Variants in WWOX observed in about 807,000 individuals in gnomAD.
The protein encoded by WWOX is WW domain containing oxidoreductase, also known as WW domain-containing oxidoreductase.
WWOX carries 69 observed loss-of-function variants against 46.2 expected under a neutral mutation model. That is an observed-to-expected ratio of 1.49 (90% CI 1.23 to 1.82). The LOEUF (loss-of-function observed/expected upper bound fraction) is 1.82. Ranked by LOEUF, WWOX falls within the 40% of genes most tolerant of loss-of-function variation. WWOX has a pLI of 0.00. For synonymous variants in WWOX, 359 were observed against 202.6 expected (o/e 1.77, Z -6.56); for missense variants, 919 against 542.6 (o/e 1.69, Z -6.89).
intron 8 of WWOX, among the ~76,000 whole-genome samples, chr16:78,591,879 C>T (rs1000245349): frequency 6.6e-6 from 1 of 152,194 alleles, no homozygotes; most frequent in African/African-American, 2.4e-5. Context: ...GCTACCACCA[C>T]TGCCTCTAGT....
chr16:78,120,794 G>C (rs910275240), intron 4 of WWOX, among the ~76,000 whole-genome samples: 2 of 152,138 alleles, frequency 1.3e-5, no homozygotes, highest in Non-Finnish European at 2.9e-5. Context: ...AATTTTACCA[G>C]TTCTACGTGA....
chr16:78,971,592 A>C (rs572023067), intron 8 of WWOX, among the ~76,000 whole-genome samples: 3 of 152,252 alleles, frequency 2.0e-5, no homozygotes, highest in Admixed American at 2.0e-4. Context: ...GCTTCCCAGA[A>C]GAGCATAAGA....
intron 8 of WWOX, among the ~76,000 whole-genome samples, chr16:78,503,459 A>T (rs1368245691): frequency 2.0e-5 from 3 of 151,866 alleles, no homozygotes; most frequent in African/African-American, 4.8e-5. Flanking sequence ...AAAAAAAAAA[A>T]ATTTTTTTTT....
rs60247224 is a variant in WWOX, at chr16:78,341,168, AT to A, written c.517-45679del. ...ATCTGCTTTCCAGCATCCAACTGTAATTTTTTTTTTTTTAAGAGAAATGAAG... is the reference window on the plus strand; with the variant it reads ...ATCTGCTTTCCAGCATCCAACTGTAATTTTTTTTTTTTAAGAGAAATGAAG... On this transcript the variant is annotated intron_variant, in intron 5 of 8. Coordinates refer to ENST00000566780, the MANE Select transcript of WWOX (RefSeq NM_016373.4). Among the ~76,000 whole-genome samples, 48 of 105,720 alleles carry A rather than the reference AT, an allele frequency of 4.5e-4. 7 individuals are homozygous for A. Among genetic ancestry groups the A allele is most frequent in the African/African-American group, 8.9e-4 (28 of 31,504 alleles). 69.4% of individuals were successfully genotyped at this position (105,720 alleles called of 152,430 possible). A position where few individuals can be genotyped will look rare whatever the true frequency, so the allele number is the denominator to read the frequency against.
At chr16:79,188,888 G>C (rs1015107429) in intron 8 of WWOX, among the ~76,000 whole-genome samples, 4 of 152,186 alleles carry the variant, frequency 2.6e-5, no homozygotes, top group African/African-American at 7.2e-5. Flanking sequence ...TCACACTTGT[G>C]TGTGAGCAGC....
chr16:79,034,103 A>G (rs1004885520), intron 8 of WWOX, among the ~76,000 whole-genome samples: 5 of 152,148 alleles, frequency 3.3e-5, no homozygotes, highest in African/African-American at 1.2e-4. Flanking sequence ...CAGGGAACTG[A>G]ATGGGATGCC....
intron 8 of WWOX, among the ~76,000 whole-genome samples, chr16:78,918,514 G>A (rs572811015): frequency 6.6e-6 from 1 of 152,098 alleles, no homozygotes; most frequent in Admixed American, 6.5e-5. Context: ...TGTGTTCAGA[G>A]GTCTCTGCAC....
At chr16:78,764,361 C>A (rs1567544305) in intron 8 of WWOX, among the ~76,000 whole-genome samples, 2 of 151,370 alleles carry the variant, frequency 1.3e-5, no homozygotes, top group African/African-American at 4.9e-5. Context: ...GAGCTTGACA[C>A]AGGAGGCCGC....
At chr16:78,204,978 G>T (rs914226387) in intron 5 of WWOX, among the ~76,000 whole-genome samples, 2 of 152,154 alleles carry the variant, frequency 1.3e-5, no homozygotes, top group Non-Finnish European at 2.9e-5. Flanking sequence ...AGTTATTTGG[G>T]ATATCCAATC....
intron 8 of WWOX, among the ~76,000 whole-genome samples, chr16:78,759,912 C>T (rs1440975885): frequency 1.3e-5 from 2 of 152,184 alleles, no homozygotes; most frequent in Non-Finnish European, 2.9e-5. Context: ...ACGGCCACAG[C>T]ACTCTAATCT....
chr16:78,616,511 C>A (rs2046028660), intron 8 of WWOX, among the ~76,000 whole-genome samples: 1 of 149,408 alleles, frequency 6.7e-6, no homozygotes, highest in Non-Finnish European at 1.5e-5. Context: ...CCTGTAATCC[C>A]AGCACTTTGG....
At chr16:78,798,371 T>TA (rs1165567686) in intron 8 of WWOX, among the ~76,000 whole-genome samples, 1 of 152,084 alleles carries the variant, frequency 6.6e-6, no homozygotes, top group Non-Finnish European at 1.5e-5. Context: ...TCAAAAAAGC[T>TA]AATAACACAA....
At chr16:79,141,491 A>G (rs999803692) in intron 8 of WWOX, among the ~76,000 whole-genome samples, 1 of 152,242 alleles carries the variant, frequency 6.6e-6, no homozygotes, top group Non-Finnish European at 1.5e-5. Flanking sequence ...ACCTGTCAAC[A>G]TGAACTGTCA....
chr16:78,797,366 A>C (rs1309543596), intron 8 of WWOX, among the ~76,000 whole-genome samples: 1 of 150,050 alleles, frequency 6.7e-6, no homozygotes, highest in African/African-American at 2.5e-5. Context: ...GGTAAAAAAA[A>C]AAAAAAAAAA....
At chr16:79,177,491 G>C (rs1199540121) in intron 8 of WWOX, among the ~76,000 whole-genome samples, 2 of 152,128 alleles carry the variant, frequency 1.3e-5, no homozygotes, top group African/African-American at 2.4e-5. Context: ...GCTTTTATGG[G>C]GTCATTACAG....
chr16:78,719,232 A>C (rs971986090), intron 8 of WWOX, among the ~76,000 whole-genome samples: 5 of 152,338 alleles, frequency 3.3e-5, no homozygotes, highest in African/African-American at 1.2e-4. Flanking sequence ...TGTTTAGCAC[A>C]CAGCCTGGCA....
intron 6 of WWOX, among the ~76,000 whole-genome samples, chr16:78,389,044 G>C (rs759276696): frequency 3.3e-5 from 5 of 151,932 alleles, no homozygotes; most frequent in Admixed American, 6.5e-5. Context: ...GTCTACATTA[G>C]AGTCAGTCTT....
chr16:78,171,207 C>A (rs1414774195), intron 5 of WWOX, among the ~76,000 whole-genome samples: 2 of 152,078 alleles, frequency 1.3e-5, no homozygotes, highest in South Asian at 4.1e-4. Context: ...TTTTCCCTGC[C>A]GGGAAACTGC....
intron 8 of WWOX, among the ~76,000 whole-genome samples, chr16:78,948,850 C>T (rs529235079): frequency 6.6e-6 from 1 of 152,134 alleles, no homozygotes; most frequent in East Asian, 1.9e-4. Flanking sequence ...GGGTGATTAG[C>T]ATGGATCAGA....
Sources: gnomAD v4.1 joint callset for allele counts (sites outside exome capture counted in the v4.1 genomes callset) on GRCh38, gnomAD v4.1.1 for gene constraint, MANE v1.5 for transcripts, NCBI Gene and HGNC (gene_info 2026-07-23, HGNC 2026-07-21) for gene names.